Variants in LRCH1 observed in about 807,000 individuals in gnomAD.
The protein encoded by LRCH1 is leucine-rich repeat and calponin homology domain-containing protein 1.
A neutral mutation model predicts 94.9 loss-of-function variants in LRCH1; 23 were observed. That is an observed-to-expected ratio of 0.24 (90% CI 0.17 to 0.34). The LOEUF (loss-of-function observed/expected upper bound fraction) is 0.34, where lower values mean the gene tolerates loss of function less well. LRCH1 is among the 10% of genes least tolerant of loss of function. LRCH1 has a pLI of 1.00. For synonymous variants in LRCH1, 364 were observed against 354.9 expected (o/e 1.03, Z -0.29); for missense variants, 790 against 945.9 (o/e 0.84, Z 2.16).
downstream of LRCH1, among the ~76,000 whole-genome samples, chr13:46,746,999 A>G (rs570241405): frequency 6.6e-6 from 1 of 152,288 alleles, no homozygotes; most frequent in African/African-American, 2.4e-5. Flanking sequence ...CCATGCTTGT[A>G]TAAGGTTTCT....
intron 17 of LRCH1, among the ~76,000 whole-genome samples, chr13:46,724,050 A>C (rs1041724724): frequency 6.6e-6 from 1 of 152,048 alleles, no homozygotes. Context: ...GTGCAGTCGC[A>C]TGATCTCGGC....
At chr13:46,644,681 G>A (rs570412603) in intron 1 of LRCH1, among the ~76,000 whole-genome samples, 40 of 152,264 alleles carry the variant, frequency 2.6e-4, no homozygotes, top group Middle Eastern at 6.8e-3. Flanking sequence ...GACAACAGGG[G>A]ACCCATTGCA....
intron 8 of LRCH1, among the ~76,000 whole-genome samples, chr13:46,692,966 C>CTTT (rs556715797): frequency 9.4e-5 from 12 of 128,188 alleles, no homozygotes; most frequent in Non-Finnish European, 1.7e-4. Flanking sequence ...AGATAAAATT[C>CTTT]TTTTTTTTTT....
At chr13:46,706,970 G>C (rs1871794479) in intron 13 of LRCH1, among the ~76,000 whole-genome samples, 1 of 152,156 alleles carries the variant, frequency 6.6e-6, no homozygotes, top group Non-Finnish European at 1.5e-5. Flanking sequence ...ATTTTAGTGT[G>C]TGTTTTCTAA....
At chr13:46,561,904 T>A (rs1038045223) in intron 1 of LRCH1, among the ~76,000 whole-genome samples, 1 of 152,212 alleles carries the variant, frequency 6.6e-6, no homozygotes, top group African/African-American at 2.4e-5. Flanking sequence ...CCTTAAGCCA[T>A]CTTTGCATTA....
rs529551871 is a variant in LRCH1, at chr13:46,555,394, C to G, written c.307+1691C>G. Among the ~76,000 whole-genome samples the G allele has an allele frequency of 1.3e-4, 20 of 152,328 alleles. No homozygotes were observed. In the East Asian group the frequency reaches 3.9e-3, roughly 29 times the overall value. On this transcript the variant is annotated intron_variant, in intron 1 of 19. Coordinates refer to ENST00000389797, the MANE Select transcript of LRCH1 (RefSeq NM_001164211.2). ...TCAGTAAGGGGGCTTCATAGTTGTT[C>G]TACTTCAGTTATGCTAAGGATTATT...
chr13:46,553,346 T>A lies in LRCH1; in HGVS notation c.-51T>A, dbSNP rs915350818. The A allele has an allele frequency of 3.5e-6, 5 of 1,442,924 alleles. No individual in the cohort carries two copies. Among genetic ancestry groups the A allele is most frequent in the Non-Finnish European group, 4.7e-6 (5 of 1,075,046 alleles). 89.4% of individuals were successfully genotyped at this position (1,442,924 alleles called of 1,614,324 possible). ...GCCGTTTTCCCCTCGCGGGGAACGC[T>A]GTGACCCCCCCGCAGGAGCGGCGGG... On this transcript the variant is annotated 5_prime_UTR_variant, in exon 1 of 20. Coordinates refer to ENST00000389797, the MANE Select transcript of LRCH1 (RefSeq NM_001164211.2).
intron 1 of LRCH1, among the ~76,000 whole-genome samples, chr13:46,616,856 G>A (rs1309670102): frequency 2.0e-5 from 3 of 152,284 alleles, no homozygotes; most frequent in Non-Finnish European, 4.4e-5. Flanking sequence ...TGGGATAGGC[G>A]GTGAAGTTAA....
intron 1 of LRCH1, among the ~76,000 whole-genome samples, chr13:46,625,036 T>C (rs573144926): frequency 6.6e-6 from 1 of 152,348 alleles, no homozygotes; most frequent in East Asian, 1.9e-4. Context: ...TCTGCCATTA[T>C]CCCTACTCTA....
intron 1 of LRCH1, among the ~76,000 whole-genome samples, chr13:46,649,203 G>C (rs543368150): frequency 6.6e-6 from 1 of 152,120 alleles, no homozygotes; most frequent in Non-Finnish European, 1.5e-5. Flanking sequence ...GTTTTCTTTG[G>C]CTAAGGTGTG....
intron 1 of LRCH1, among the ~76,000 whole-genome samples, chr13:46,602,186 T>C (rs2050635518): frequency 1.3e-5 from 2 of 152,264 alleles, no homozygotes; most frequent in South Asian, 4.1e-4. Context: ...CAACTATGTA[T>C]AGCTGACCCT....
chr13:46,558,061 AAAAC>A (rs1286554293), intron 1 of LRCH1, among the ~76,000 whole-genome samples: 1 of 151,430 alleles, frequency 6.6e-6, no homozygotes, highest in East Asian at 1.9e-4. Context: ...ACAAACAAAC[AAAAC>A]AAAGACTATG....
chr13:46,664,525 C>G (rs2051490215), intron 2 of LRCH1, among the ~76,000 whole-genome samples: 1 of 152,186 alleles, frequency 6.6e-6, no homozygotes, highest in Non-Finnish European at 1.5e-5. Flanking sequence ...ATCATATAGC[C>G]TAGCCATGGA....
chr13:46,616,158 G>A (rs1288648088), intron 1 of LRCH1, among the ~76,000 whole-genome samples: 3 of 152,126 alleles, frequency 2.0e-5, no homozygotes, highest in Non-Finnish European at 2.9e-5. Context: ...AAGAAAAATG[G>A]CTTTATTTAG....
chr13:46,704,960 A>G (rs1871673064), intron 11 of LRCH1, 108 bp from the exon 12 acceptor site: 1 of 603,214 alleles, frequency 1.7e-6, no homozygotes, highest in African/African-American at 1.9e-5. Flanking sequence ...CCTAAAGATA[A>G]ACATAACTTT....
At chr13:46,657,401 T>TTA (rs201530694) in intron 2 of LRCH1, among the ~76,000 whole-genome samples, 1 of 148,772 alleles carries the variant, frequency 6.7e-6, no homozygotes, top group East Asian at 2.0e-4. Flanking sequence ...TTTTTTTTTT[T>TTA]AAAACATACA....
chr13:46,602,966 A>ACATGCATGCATGCATGCATACATACATG lies in LRCH1; in HGVS notation c.308-47232_308-47231insGCATGCATGCATGCATACATACATGCAT, dbSNP rs768161330. On this transcript the variant is annotated intron_variant, in intron 1 of 19. Coordinates refer to ENST00000389797, the MANE Select transcript of LRCH1 (RefSeq NM_001164211.2). ...CCGGTCAACAAATACATACATGCAT[A>ACATGCATGCATGCATGCATACATACATG]CATACATGCATGCATACATACATAC... Among the ~76,000 whole-genome samples the ACATGCATGCATGCATGCATACATACATG allele has an allele frequency of 1.0e-4, 5 of 49,486 alleles. No homozygotes were observed. The East Asian group carries it at 4.5e-3, about 44-fold the overall frequency. The allele number at this position is 49,486 out of a possible 152,430, so 32.5% of individuals were successfully genotyped here.
At chr13:46,558,432 G>A (rs2050089912) in intron 1 of LRCH1, among the ~76,000 whole-genome samples, 1 of 151,750 alleles carries the variant, frequency 6.6e-6, no homozygotes, top group Non-Finnish European at 1.5e-5. Context: ...GTGCCAAGAC[G>A]TGGAGTAAGA....
At chr13:46,733,688 G>A (rs1489719285) in intron 18 of LRCH1, among the ~76,000 whole-genome samples, 3 of 151,720 alleles carry the variant, frequency 2.0e-5, no homozygotes. Flanking sequence ...ATCTATGTAG[G>A]CATATATGAA....
Sources: gnomAD v4.1 joint callset for allele counts (sites outside exome capture counted in the v4.1 genomes callset) on GRCh38, gnomAD v4.1.1 for gene constraint, MANE v1.5 for transcripts, NCBI Gene and HGNC (gene_info 2026-07-23, HGNC 2026-07-21) for gene names.